KCTD8: variants seen among roughly 807,000 people sequenced by gnomAD.
KCTD8 encodes the protein BTB/POZ domain-containing protein KCTD8.
In KCTD8, 27 loss-of-function variants were observed where a neutral mutation model predicts 31.5. That is an observed-to-expected ratio of 0.86 (90% CI 0.63 to 1.18). The LOEUF is 1.18. Ranked by LOEUF, KCTD8 falls within the 50% of genes most tolerant of loss-of-function variation. KCTD8 has a pLI of 0.00. For synonymous variants in KCTD8, 290 were observed against 280.0 expected (o/e 1.04, Z -0.36); for missense variants, 658 against 647.7 (o/e 1.02, Z -0.17).
intron 1 of KCTD8, among the ~76,000 whole-genome samples, chr4:44,390,892 A>G (rs902385068): frequency 1.3e-5 from 2 of 151,968 alleles, no homozygotes; most frequent in Non-Finnish European, 2.9e-5. Flanking sequence ...TTCCTCAAAG[A>G]ACTAAAAGTA....
chr4:44,222,504 T>C (rs1335412641), intron 1 of KCTD8, among the ~76,000 whole-genome samples: 4 of 152,270 alleles, frequency 2.6e-5, no homozygotes, highest in Admixed American at 6.5e-5. Context: ...TGGCCAGAGC[T>C]GGAGAATCCA....
chr4:44,422,759 G>T (rs568469671), intron 1 of KCTD8, among the ~76,000 whole-genome samples: 2 of 152,012 alleles, frequency 1.3e-5, no homozygotes, highest in Non-Finnish European at 2.9e-5. Context: ...GCAGTAGAAT[G>T]AGAATAACAA....
At chr4:44,184,810 G>T (rs974750) in intron 1 of KCTD8, among the ~76,000 whole-genome samples, 18,113 of 152,120 alleles carry the variant, frequency 0.12, 1,433 homozygotes, top group East Asian at 0.36. Flanking sequence ...TAGTAAGAAT[G>T]CTCCCACCAC....
At chr4:44,266,538 T>A (rs1716372974) in intron 1 of KCTD8, among the ~76,000 whole-genome samples, 2 of 152,004 alleles carry the variant, frequency 1.3e-5, no homozygotes, top group East Asian at 3.9e-4. Flanking sequence ...AATTCACACA[T>A]AACAATATTA....
intron 1 of KCTD8, among the ~76,000 whole-genome samples, chr4:44,397,434 A>C (rs1720535220): frequency 6.6e-6 from 1 of 152,170 alleles, no homozygotes; most frequent in East Asian, 1.9e-4. Context: ...GTATGTGTGC[A>C]TGCATGTGTG....
intron 1 of KCTD8, among the ~76,000 whole-genome samples, chr4:44,273,267 T>C (rs570443286): frequency 1.3e-5 from 2 of 151,992 alleles, no homozygotes; most frequent in Non-Finnish European, 2.9e-5. Flanking sequence ...AACAAGTATA[T>C]TGAAAGGCAT....
intron 1 of KCTD8, among the ~76,000 whole-genome samples, chr4:44,415,497 G>C (rs1050105885): frequency 1.1e-4 from 16 of 152,268 alleles, no homozygotes; most frequent in Admixed American, 1.3e-4. Flanking sequence ...CTTCTAGACA[G>C]TTCCTCCCAT....
chr4:44,411,698 T>C (rs569829095), intron 1 of KCTD8, among the ~76,000 whole-genome samples: 2 of 152,128 alleles, frequency 1.3e-5, no homozygotes, highest in South Asian at 4.2e-4. Context: ...GGTGGACCCT[T>C]ATTCCAATAT....
chr4:44,218,849 C>A (rs1453722353), intron 1 of KCTD8, among the ~76,000 whole-genome samples: 1 of 152,032 alleles, frequency 6.6e-6, no homozygotes, highest in Non-Finnish European at 1.5e-5. Context: ...AAATGTTGCT[C>A]TGCTTCATGA....
chr4:44,365,839 A>ATAACCC (rs1465873759), intron 1 of KCTD8, among the ~76,000 whole-genome samples: 3 of 152,202 alleles, frequency 2.0e-5, no homozygotes, highest in African/African-American at 2.4e-5. Flanking sequence ...CAAGTCTTGT[A>ATAACCC]TAATTGGGAA....
At chr4:44,182,496 A>C (rs1412130504) in intron 1 of KCTD8, among the ~76,000 whole-genome samples, 1 of 152,204 alleles carries the variant, frequency 6.6e-6, no homozygotes, top group East Asian at 1.9e-4. Context: ...ACCCCCAACC[A>C]TGCACTCTCT....
At chr4:44,367,894 C>T (rs534051238) in intron 1 of KCTD8, among the ~76,000 whole-genome samples, 11 of 149,852 alleles carry the variant, frequency 7.3e-5, no homozygotes, top group African/African-American at 2.2e-4. Flanking sequence ...AAAAATGAAT[C>T]GACAGAGTAA....
chr4:44,403,750 G>T (rs1417383630), intron 1 of KCTD8, among the ~76,000 whole-genome samples: 1 of 151,998 alleles, frequency 6.6e-6, no homozygotes, highest in East Asian at 1.9e-4. Flanking sequence ...TGAAGTATGG[G>T]GATTAGGACT....
intron 1 of KCTD8, among the ~76,000 whole-genome samples, chr4:44,363,488 C>T (rs916477733): frequency 1.3e-5 from 2 of 151,916 alleles, no homozygotes; most frequent in African/African-American, 4.8e-5. Flanking sequence ...GGATCACAGA[C>T]TTGAGTAAAA....
At chr4:44,421,882 C>T (rs1721221006) in intron 1 of KCTD8, among the ~76,000 whole-genome samples, 1 of 152,014 alleles carries the variant, frequency 6.6e-6, no homozygotes, top group Non-Finnish European at 1.5e-5. Context: ...CATAATAATG[C>T]TTATGGTTTC....
intron 1 of KCTD8, among the ~76,000 whole-genome samples, chr4:44,366,638 T>G (rs1015041848): frequency 6.6e-6 from 1 of 151,484 alleles, no homozygotes; most frequent in Non-Finnish European, 1.5e-5. Flanking sequence ...GATGTAGCCA[T>G]GCGGATTAGC....
chr4:44,255,130 T>C (rs1458453489), intron 1 of KCTD8, among the ~76,000 whole-genome samples: 1 of 151,900 alleles, frequency 6.6e-6, no homozygotes, highest in Non-Finnish European at 1.5e-5. Context: ...CTGCCTATGA[T>C]GATAAACGTC....
At chr4:44,351,541 A>C (rs1719195300) in intron 1 of KCTD8, among the ~76,000 whole-genome samples, 1 of 152,162 alleles carries the variant, frequency 6.6e-6, no homozygotes, top group Non-Finnish European at 1.5e-5. Context: ...TGGACCATAA[A>C]GTTTCAAGAA....
intron 1 of KCTD8, among the ~76,000 whole-genome samples, chr4:44,282,885 C>A (rs1333567492): frequency 6.6e-6 from 1 of 151,934 alleles, no homozygotes; most frequent in Non-Finnish European, 1.5e-5. Flanking sequence ...GAGTTTGGTG[C>A]ATGAGGTTTA....
Sources: gnomAD v4.1 joint callset for allele counts (sites outside exome capture counted in the v4.1 genomes callset) on GRCh38, gnomAD v4.1.1 for gene constraint, MANE v1.5 for transcripts, NCBI Gene and HGNC (gene_info 2026-07-23, HGNC 2026-07-21) for gene names.